ROS1: variants seen among roughly 807,000 people sequenced by gnomAD.
ROS1 encodes the protein proto-oncogene tyrosine-protein kinase ROS.
A neutral mutation model predicts 273.5 loss-of-function variants in ROS1; 263 were observed. The observed-to-expected ratio is 0.96, with a 90% confidence interval of 0.87 to 1.06. The LOEUF (loss-of-function observed/expected upper bound fraction) is 1.06. ROS1 is among the 50% of genes least tolerant of loss of function. The probability of loss-of-function intolerance (pLI) is 0.00; values close to 1 mark genes in which losing one functional copy is unlikely to be tolerated. For missense variants in ROS1, 2,833 were observed against 2,751.1 expected (o/e 1.03, Z -0.67); for synonymous variants, 1,008 against 954.1 (o/e 1.06, Z -1.04).
In ROS1 at chr6:117,300,086, C is replaced by CTTTTTTTTTTTTTTTTTTTTTTTT. The variant is rs10700318; in HGVS notation, c.6715+864_6715+887dup. 5.3e-4 allele frequency among the ~76,000 whole-genome samples: 17 copies of CTTTTTTTTTTTTTTTTTTTTTTTT among 31,836 alleles called. 4 individuals carry two copies. Among genetic ancestry groups the CTTTTTTTTTTTTTTTTTTTTTTTT allele is most frequent in the Non-Finnish European group, 7.4e-4 (14 of 18,802 alleles). 20.9% of individuals were successfully genotyped at this position (31,836 alleles called of 152,430 possible). ...TACAGGCGCCCGCCACCAGGACAGG[C>CTTTTTTTTTTTTTTTTTTTTTTTT]TTTTTTTTTTTTTTTTTTTTTTTTT... On this transcript the variant is annotated intron_variant, in intron 43 of 43. Transcript: ENST00000368507.
At chr6:117,310,872 A>G in intron 40 of ROS1, 148 bp downstream of exon 40, 2 of 566,204 alleles carry the variant, frequency 3.5e-6, no homozygotes, top group South Asian at 4.7e-5. Flanking sequence ...TCTTTACAGT[A>G]GAATGATTTA....
At chr6:117,323,434 C>T (rs1776421312) in intron 35 of ROS1, among the ~76,000 whole-genome samples, 1 of 152,108 alleles carries the variant, frequency 6.6e-6, no homozygotes, top group Non-Finnish European at 1.5e-5. Context: ...AAACAAGCCA[C>T]AACTTTCTTA....
chr6:117,343,956 T>C, intron 28 of ROS1, 104 bp downstream of exon 28: 1 of 924,030 alleles, frequency 1.1e-6, no homozygotes, highest in Non-Finnish European at 1.7e-6. Context: ...AGTTGCGTAC[T>C]AGTCCATTTC....
intron 32 of ROS1, among the ~76,000 whole-genome samples, chr6:117,332,586 T>G (rs1777161897): frequency 6.6e-6 from 1 of 152,128 alleles, no homozygotes; most frequent in Non-Finnish European, 1.5e-5. Flanking sequence ...ATCTACCACA[T>G]AATTGGAAGT....
intron 13 of ROS1, 114 bp from the exon 14 acceptor site, chr6:117,388,106 A>G: frequency 6.7e-7 from 1 of 1,498,052 alleles, no homozygotes; most frequent in Non-Finnish European, 9.1e-7. Flanking sequence ...GCAATTGGGC[A>G]GTAATATCCG....
At chr6:117,377,826 C>T (rs963107028) in intron 18 of ROS1, among the ~76,000 whole-genome samples, 1 of 150,806 alleles carries the variant, frequency 6.6e-6, no homozygotes, top group Non-Finnish European at 1.5e-5. Flanking sequence ...ATATACAGAA[C>T]AACCCAATAA....
intron 4 of ROS1, among the ~76,000 whole-genome samples, chr6:117,411,806 A>G (rs1268378715): frequency 6.6e-6 from 1 of 152,224 alleles, no homozygotes; most frequent in Non-Finnish European, 1.5e-5. Flanking sequence ...ATATGACAGT[A>G]AGCAAGAAAG....
chr6:117,288,347 A>T lies in ROS1; in HGVS notation c.*145T>A. ...CTACAACTGAAACCAAATGGCTCTC[A>T]GAACCAAGATTAGAAATCAGGAACG... On this transcript the variant is annotated 3_prime_UTR_variant, in exon 44 of 44. Transcript: ENST00000368507. 1 of 781,360 alleles carries T rather than the reference A, an allele frequency of 1.3e-6. No individual in the cohort carries two copies. The highest frequency in any genetic ancestry group is 2.0e-6 in the Non-Finnish European group (1 of 499,992). The allele number at this position is 781,360 out of a possible 1,614,324, so 48.4% of individuals were successfully genotyped here.
chr6:117,311,532 T>A (rs1020516478), intron 39 of ROS1, among the ~76,000 whole-genome samples: 2 of 152,164 alleles, frequency 1.3e-5, no homozygotes, highest in African/African-American at 2.4e-5. Flanking sequence ...GTTACATATA[T>A]GGCTGGTCGA....
intron 17 of ROS1, 108 bp downstream of exon 17, chr6:117,383,209 T>C: frequency 4.9e-6 from 4 of 818,724 alleles, no homozygotes; most frequent in Non-Finnish European, 7.4e-6. Flanking sequence ...CAAAACACTA[T>C]TTCCTTTAGG....
At chr6:117,358,546 GCCTCCTGGGTTCAAACGATTCT>G (rs1418676077) in intron 24 of ROS1, among the ~76,000 whole-genome samples, 2 of 151,546 alleles carry the variant, frequency 1.3e-5, no homozygotes, top group Non-Finnish European at 2.9e-5. Flanking sequence ...TGAAACCTTC[GCCTCCTGGGTTCAAACGATTCT>G]CCTGCCTCAG....
At chr6:117,402,613 C>A (rs573733598) in intron 7 of ROS1, among the ~76,000 whole-genome samples, 1 of 152,112 alleles carries the variant, frequency 6.6e-6, no homozygotes, top group Non-Finnish European at 1.5e-5. Context: ...TCCAGCTGGG[C>A]GAGGTGGCTC....
Position 117,318,171 on chromosome 6 carries a change from A to T in ROS1, c.5987+17T>A. ...AAACTTCTTACCCATACCAGGAGAA[A>T]ATTATTTCAGAGCTACCTCATCAGA... On this transcript the variant is annotated intron_variant, in intron 38 of 43. Transcript: ENST00000368507. 1.2e-6 allele frequency: 2 copies of T among 1,606,694 alleles called. No homozygotes were observed. Among genetic ancestry groups the T allele is most frequent in the Non-Finnish European group, 1.7e-6 (2 of 1,174,008 alleles).
intron 8 of ROS1, among the ~76,000 whole-genome samples, 159 bp from the exon 9 acceptor site, chr6:117,396,423 T>A (rs1773494438): frequency 6.6e-6 from 1 of 152,190 alleles, no homozygotes. Flanking sequence ...TGACCATCAA[T>A]CACATCCTTG....
At chr6:117,329,253 T>C (rs2128592773) in intron 33 of ROS1, 76 bp downstream of exon 33, 1 of 717,194 alleles carries the variant, frequency 1.4e-6, no homozygotes, top group Non-Finnish European at 2.4e-6. Flanking sequence ...TTTGCATAAA[T>C]AGTGTTACTT....
intron 7 of ROS1, 135 bp from the exon 8 acceptor site, chr6:117,397,251 ATG>A (rs1052918474): frequency 1.6e-6 from 1 of 636,844 alleles, no homozygotes; most frequent in Non-Finnish European, 2.7e-6. Context: ...TACTCAAAAT[ATG>A]TGATAGAGGA....
chr6:117,418,492 G>C lies in ROS1; in HGVS notation c.138C>G (p.Asp46Glu). ...SCVTNLGQQLDLGTPHNLSEP... is the reference protein window; with the variant it reads ...SCVTNLGQQLELGTPHNLSEP... ...CACTCAGATTATGTGGTGTGCCAAG[G>C]TCAAGCTGCTGGCCCTGAAATGAAG... Residue 46 changes from aspartate to glutamate, a missense_variant, in exon 2 of 44, where the codon GAC (aspartate) becomes GAG (glutamate). Transcript: ENST00000368507. 6.2e-7 allele frequency: 1 copy of C among 1,601,634 alleles called. No individual in the cohort carries two copies. The highest frequency in any genetic ancestry group is 8.5e-7 in the Non-Finnish European group (1 of 1,175,452).
rs772381124 is a variant in ROS1, at chr6:117,396,234, A to C, written c.837T>G (p.Gly279=). 1.2e-6 allele frequency: 2 copies of C among 1,613,670 alleles called. No individual in the cohort carries two copies. Among genetic ancestry groups the C allele is most frequent in the South Asian group, 1.1e-5 (1 of 91,012 alleles). The change falls in exon 9 of 44, where the codon GGT becomes GGG. Residue 279 remains glycine, a synonymous_variant. Coordinates refer to ENST00000368507, the MANE Select transcript of ROS1 (RefSeq NM_001378902.1). Reference sequence around the variant, plus strand: ...TACTAGATTCTGCTTCTGGACCCTCACCAACTTCATTTACTGCTGCAATAG... The same window carrying C: ...TACTAGATTCTGCTTCTGGACCCTCCCCAACTTCATTTACTGCTGCAATAG... The part of the protein sequence containing the change: ...RFSIAAVNEV[G]EGPEAESSIT...
chr6:117,314,081 T>G (rs923593035), intron 39 of ROS1, among the ~76,000 whole-genome samples: 32 of 152,110 alleles, frequency 2.1e-4, no homozygotes, highest in Admixed American at 9.2e-4. Flanking sequence ...CCATCCTTTT[T>G]CATCCTCTCT....
Sources: gnomAD v4.1 joint callset for allele counts (sites outside exome capture counted in the v4.1 genomes callset) on GRCh38, gnomAD v4.1.1 for gene constraint, MANE v1.5 for transcripts, NCBI Gene and HGNC (gene_info 2026-07-23, HGNC 2026-07-21) for gene names.